NR3C2: variants seen among roughly 807,000 people sequenced by gnomAD.
NR3C2 encodes nuclear receptor subfamily 3 group C member 2, also known as mineralocorticoid receptor.
NR3C2 carries 15 observed loss-of-function variants against 86.4 expected under a neutral mutation model. The ratio of observed to expected loss-of-function variants is 0.17; its 90% CI spans 0.12 to 0.27. NR3C2 has a LOEUF of 0.27. Ranked by LOEUF, NR3C2 falls within the 10% of genes least tolerant of loss-of-function variation. The probability of loss-of-function intolerance (pLI) is 1.00; values close to 1 mark genes in which losing one functional copy is unlikely to be tolerated. For missense variants in NR3C2, 960 were observed against 1,195.6 expected (o/e 0.80, Z 2.91); for synonymous variants, 458 against 450.5 (o/e 1.02, Z -0.21).
chr4:148,108,924 C>T (rs947067398), intron 8 of NR3C2, among the ~76,000 whole-genome samples: 3 of 152,160 alleles, frequency 2.0e-5, no homozygotes, highest in Admixed American at 6.5e-5. Flanking sequence ...TCTGGAGCGC[C>T]GGAGGGTGGT....
chr4:148,218,605 A>G (rs1737671029), intron 3 of NR3C2, among the ~76,000 whole-genome samples: 1 of 152,116 alleles, frequency 6.6e-6, no homozygotes, highest in South Asian at 2.1e-4. Flanking sequence ...CTTCATAACC[A>G]TTGTCACAAT....
At chr4:148,318,386 T>C (rs566749563) in intron 2 of NR3C2, among the ~76,000 whole-genome samples, 1 of 151,582 alleles carries the variant, frequency 6.6e-6, no homozygotes, top group East Asian at 1.9e-4. Context: ...TTTGGGTATA[T>C]ACCCAGTAAT....
chr4:148,181,924 C>T (rs987928570), intron 4 of NR3C2, among the ~76,000 whole-genome samples: 2 of 152,214 alleles, frequency 1.3e-5, no homozygotes, highest in South Asian at 4.1e-4. Flanking sequence ...AATCTATGCA[C>T]TCTTTATTCT....
chr4:148,310,836 A>G (rs943503907), intron 2 of NR3C2, among the ~76,000 whole-genome samples: 12 of 152,132 alleles, frequency 7.9e-5, no homozygotes, highest in African/African-American at 2.9e-4. Flanking sequence ...TCTTTGCATC[A>G]AAACCACGGA....
chr4:148,097,741 G>GTTT (rs1180902227), intron 8 of NR3C2, among the ~76,000 whole-genome samples: 6,809 of 106,578 alleles, frequency 0.064, 470 homozygotes, highest in Non-Finnish European at 0.082. Flanking sequence ...ACTTTTTTGC[G>GTTT]TTTTTTTTTG....
At chr4:148,245,496 T>C (rs1036651304) in intron 3 of NR3C2, among the ~76,000 whole-genome samples, 21 of 152,220 alleles carry the variant, frequency 1.4e-4, no homozygotes, top group Non-Finnish European at 1.2e-4. Context: ...AGAATATTGC[T>C]TAACTTCTAC....
At chr4:148,317,981 C>G (rs1239139169) in intron 2 of NR3C2, among the ~76,000 whole-genome samples, 1 of 149,790 alleles carries the variant, frequency 6.7e-6, no homozygotes. Context: ...CCCACTAACT[C>G]GTCATCTAGC....
chr4:148,345,565 G>A (rs1299536143), intron 2 of NR3C2, among the ~76,000 whole-genome samples: 2 of 151,864 alleles, frequency 1.3e-5, no homozygotes, highest in African/African-American at 4.8e-5. Flanking sequence ...TCTTACATAA[G>A]ACATAATTTC....
intron 8 of NR3C2, among the ~76,000 whole-genome samples, chr4:148,087,739 A>G (rs545098520): frequency 6.6e-6 from 1 of 152,312 alleles, no homozygotes; most frequent in Non-Finnish European, 1.5e-5. Context: ...ACTTAAACAT[A>G]AGACCTAAAA....
chr4:148,245,792 G>A (rs373348311), intron 3 of NR3C2, among the ~76,000 whole-genome samples: 86 of 152,196 alleles, frequency 5.7e-4, no homozygotes, highest in African/African-American at 2.0e-3. Flanking sequence ...TACTGTCTTC[G>A]ATGAAAATTT....
chr4:148,343,423 T>A lies in NR3C2; in HGVS notation c.1758-83306A>T, dbSNP rs986658456. 1.2e-4 allele frequency among the ~76,000 whole-genome samples: 18 copies of A among 151,534 alleles called. No homozygotes were observed. In the South Asian group the frequency reaches 1.5e-3, roughly 12 times the overall value. ...CGCCCCCCCGACCCCCCCTTTTTTT[T>A]AAATGTACTTAAACTTCAAGGGCAG... is the stretch of plus-strand genomic sequence containing the variant. On this transcript the variant is annotated intron_variant, in intron 2 of 8. Transcript: ENST00000358102.
At chr4:148,318,550 T>A (rs80156034) in intron 2 of NR3C2, among the ~76,000 whole-genome samples, 2 of 150,998 alleles carry the variant, frequency 1.3e-5, no homozygotes, top group Non-Finnish European at 2.9e-5. Flanking sequence ...GTTTCCTGAC[T>A]TTTTAATGAT....
chr4:148,381,740 G>C (rs1747001243), intron 2 of NR3C2, among the ~76,000 whole-genome samples: 1 of 152,004 alleles, frequency 6.6e-6, no homozygotes, highest in Non-Finnish European at 1.5e-5. Context: ...ACTCACTCAG[G>C]GTATGCTCAC....
intron 8 of NR3C2, among the ~76,000 whole-genome samples, chr4:148,096,073 A>G (rs1731263322): frequency 6.6e-6 from 1 of 152,070 alleles, no homozygotes; most frequent in South Asian, 2.1e-4. Flanking sequence ...TTTAATTTCC[A>G]CCTTAACGTT....
intron 3 of NR3C2, among the ~76,000 whole-genome samples, chr4:148,195,574 T>C (rs187553416): frequency 1.3e-5 from 2 of 152,240 alleles, no homozygotes; most frequent in East Asian, 1.9e-4. Flanking sequence ...GGTAATTAGA[T>C]AAAATGTGTA....
intron 3 of NR3C2, among the ~76,000 whole-genome samples, chr4:148,240,523 C>T (rs1395435353): frequency 6.6e-6 from 1 of 152,018 alleles, no homozygotes; most frequent in Non-Finnish European, 1.5e-5. Context: ...AGGGGAGGCT[C>T]TCATTGCTAG....
intron 2 of NR3C2, among the ~76,000 whole-genome samples, chr4:148,370,052 G>A (rs553723858): frequency 6.6e-6 from 1 of 152,338 alleles, no homozygotes; most frequent in East Asian, 1.9e-4. Flanking sequence ...CATGCACTTT[G>A]AAGTGTTTTT....
At chr4:148,266,582 GC>G (rs2149879172) in intron 2 of NR3C2, among the ~76,000 whole-genome samples, 1 of 152,322 alleles carries the variant, frequency 6.6e-6, no homozygotes, top group South Asian at 2.1e-4. Context: ...AGATGGTGGG[GC>G]TGGATCCCAT....
At chr4:148,202,030 G>A (rs1273070489) in intron 3 of NR3C2, among the ~76,000 whole-genome samples, 1 of 152,202 alleles carries the variant, frequency 6.6e-6, no homozygotes, top group Non-Finnish European at 1.5e-5. Flanking sequence ...TGCAGAGCAG[G>A]AGGTGCTTCA....
Sources: allele counts gnomAD v4.1 joint callset (sites outside exome capture counted in the v4.1 genomes callset), GRCh38; gene constraint gnomAD v4.1.1; transcripts MANE v1.5; gene names NCBI Gene and HGNC (gene_info 2026-07-23, HGNC 2026-07-21).